The following PALD1 variants were observed in gnomAD, a reference collection of about 807,000 sequenced individuals.
The protein encoded by PALD1 is phosphatase domain containing paladin 1, also known as paladin.
In PALD1, 57 loss-of-function variants were observed where a neutral mutation model predicts 96.0. That is an observed-to-expected ratio of 0.59 (90% confidence interval 0.48 to 0.74). PALD1 has a LOEUF of 0.74. PALD1 is among the 30% of genes least tolerant of loss of function. The pLI is 0.00. For synonymous variants in PALD1, 464 were observed against 473.6 expected, an observed-to-expected ratio of 0.98 and a Z score of 0.26; for missense variants, 1,063 against 1,143.7, an observed-to-expected ratio of 0.93 and a Z score of 1.02.
At chr10:70,485,155 C>G (rs978228138) in intron 1 of PALD1, among the ~76,000 whole-genome samples, 7 of 141,172 alleles carry the variant, frequency 5.0e-5, no homozygotes, top group Admixed American at 3.1e-4. Flanking sequence ...GCAATGTTAT[C>G]TTATTATTAA....
chr10:70,539,378 G>C lies in PALD1; in HGVS notation c.1725+131G>C, dbSNP rs1847190039. The C allele has an allele frequency of 8.2e-6, 9 of 1,098,722 alleles. No homozygotes were observed. The South Asian group carries it at 1.5e-4, about 18-fold the overall frequency. 68.1% of individuals were successfully genotyped at this position (1,098,722 alleles called of 1,614,324 possible). ...GAGGCCCCGGGAGGAGCAGTGTCAGGGAGTGGCCAACTCAGGATTCCCACT... is the reference window on the plus strand; with the variant it reads ...GAGGCCCCGGGAGGAGCAGTGTCAGCGAGTGGCCAACTCAGGATTCCCACT... On this transcript the variant is annotated intron_variant, in intron 14 of 19. Transcript: ENST00000263563. The surrounding 1 kb of genome is among the most constrained non-coding windows in gnomAD (Gnocchi z 4.5).
intron 1 of PALD1, among the ~76,000 whole-genome samples, chr10:70,509,597 C>G (rs932032981): frequency 1.3e-5 from 2 of 152,198 alleles, no homozygotes; most frequent in African/African-American, 4.8e-5. Context: ...TGCTGCTTGG[C>G]TTGGAGCAGG....
intron 1 of PALD1, among the ~76,000 whole-genome samples, chr10:70,489,851 T>C (rs1445730234): frequency 1.3e-5 from 2 of 152,198 alleles, no homozygotes; most frequent in African/African-American, 2.4e-5. Flanking sequence ...TGTATCTCTA[T>C]AGATTTGCTA....
chr10:70,505,036 T>A lies in PALD1; in HGVS notation c.-29-20887T>A, dbSNP rs866030262. Among the ~76,000 whole-genome samples the A allele has an allele frequency of 3.9e-5, 6 of 152,246 alleles. No homozygotes were observed. In the South Asian group the frequency reaches 1.2e-3, roughly 32 times the overall value. The stretch of plus-strand genomic sequence containing the variant: ...TCAGGCATCTGTCTTTGGGAAAATA[T>A]TGGCCCTGTGTGTTACACAGATCTT... On this transcript the variant is annotated intron_variant, in intron 1 of 19. Transcript: ENST00000263563.
chr10:70,542,775 T>C (rs566689892), intron 17 of PALD1, among the ~76,000 whole-genome samples: 14 of 152,212 alleles, frequency 9.2e-5, no homozygotes, highest in Non-Finnish European at 2.1e-4. Flanking sequence ...TTCAGTTCTT[T>C]TGGGCATATA....
At chr10:70,466,030 C>T in the PALD1 span, among the ~76,000 whole-genome samples, 4 of 152,082 alleles carry the variant, frequency 2.6e-5, no homozygotes, top group South Asian at 2.1e-4. Flanking sequence ...GGGCTGTCAC[C>T]GGGGAGGCTG....
intron 18 of PALD1, among the ~76,000 whole-genome samples, chr10:70,552,103 C>T (rs1847492547): frequency 1.3e-5 from 2 of 152,232 alleles, no homozygotes; most frequent in South Asian, 2.1e-4. Context: ...GTGCTGGGCC[C>T]TGGGCGGACA....
chr10:70,555,948 C>G (rs56316429), intron 18 of PALD1, among the ~76,000 whole-genome samples: 1 of 152,158 alleles, frequency 6.6e-6, no homozygotes, highest in Non-Finnish European at 1.5e-5. Context: ...TTGCAGTGAG[C>G]TGAGATCGCA....
chr10:70,565,753 G>A (rs1847834854), intron 19 of PALD1, among the ~76,000 whole-genome samples: 1 of 152,140 alleles, frequency 6.6e-6, no homozygotes, highest in African/African-American at 2.4e-5. Context: ...AGCAGGCCTG[G>A]GCTCAGCTTC....
At chr10:70,493,016 T>C (rs1846124620) in intron 1 of PALD1, among the ~76,000 whole-genome samples, 1 of 152,220 alleles carries the variant, frequency 6.6e-6, no homozygotes, top group East Asian at 1.9e-4. Flanking sequence ...TCTCACTCCA[T>C]AGTCCCATTT....
intron 18 of PALD1, 126 bp from the exon 19 acceptor site, chr10:70,564,238 G>A: frequency 1.0e-6 from 1 of 997,416 alleles, no homozygotes; most frequent in Non-Finnish European, 1.5e-6. Flanking sequence ...AACCCAGGTG[G>A]AAGCAACGCC....
chr10:70,473,902 CT>C (rs1408601873), upstream of PALD1, among the ~76,000 whole-genome samples: 49 of 124,700 alleles, frequency 3.9e-4, no homozygotes, highest in African/African-American at 1.6e-3. Flanking sequence ...CCCCCCCCCC[CT>C]CAGCCTCCCA....
rs1847802688 is a variant in PALD1, at chr10:70,564,477, G to A, written c.2376G>A (p.Lys792=). Residue 792 remains lysine (K), a synonymous_variant, in exon 19 of 20, where the codon AAG becomes AAA. Transcript: ENST00000263563. ...ILFNAYLHLE[K]ADSWQRPFST... is the part of the protein sequence containing the mutation. The stretch of plus-strand genomic sequence containing the variant: ...TCAACGCGTACCTCCACCTGGAGAA[G>A]GCCGACTCCTGGCAGAGGCCCTTCA... 4 of 1,614,170 alleles carry A rather than the reference G, an allele frequency of 2.5e-6. No homozygotes were observed. The highest frequency in any genetic ancestry group is 4.5e-5 in the East Asian group (2 of 44,874).
intron 18 of PALD1, among the ~76,000 whole-genome samples, chr10:70,550,641 C>A (rs1847461850): frequency 6.6e-6 from 1 of 152,186 alleles, no homozygotes; most frequent in South Asian, 2.1e-4. Context: ...GCTTCCCCTC[C>A]CCCACCATCT....
At chr10:70,524,245 G>T (rs570479402) in intron 1 of PALD1, among the ~76,000 whole-genome samples, 35 of 152,314 alleles carry the variant, frequency 2.3e-4, no homozygotes, top group African/African-American at 7.7e-4. Context: ...TGGCAGGGCA[G>T]CTTGCCCCGA....
intron 1 of PALD1, among the ~76,000 whole-genome samples, chr10:70,512,616 T>C (rs1237655746): frequency 6.6e-6 from 1 of 152,244 alleles, no homozygotes; most frequent in Non-Finnish European, 1.5e-5. Flanking sequence ...AGCTCATTCA[T>C]AGGACAGTGG....
At chr10:70,566,482 A>G in intron 19 of PALD1, 99 bp from the exon 20 acceptor site, 1 of 880,222 alleles carries the variant, frequency 1.1e-6, no homozygotes, top group East Asian at 2.6e-5. Flanking sequence ...TGTTCAGGTC[A>G]CCAAGTTCAC....
At chr10:70,521,527 G>T (rs1273105500) in intron 1 of PALD1, among the ~76,000 whole-genome samples, 1 of 152,030 alleles carries the variant, frequency 6.6e-6, no homozygotes, top group East Asian at 1.9e-4. Context: ...TTAAAGCAAG[G>T]TTTCCTCTTT....
At chr10:70,562,030 C>A (rs2132446376) in intron 18 of PALD1, among the ~76,000 whole-genome samples, 1 of 152,380 alleles carries the variant, frequency 6.6e-6, no homozygotes, top group African/African-American at 2.4e-5. Flanking sequence ...GTAGTGGTCC[C>A]TCCCTGCTGG....
Sources: allele counts gnomAD v4.1 joint callset (sites outside exome capture counted in the v4.1 genomes callset), GRCh38; gene constraint gnomAD v4.1.1; non-coding constraint Gnocchi (gnomAD v3.1); transcripts MANE v1.5; gene names NCBI Gene and HGNC (gene_info 2026-07-23, HGNC 2026-07-21).